The following COL21A1 variants were observed in gnomAD, a reference collection of about 807,000 sequenced individuals.
COL21A1 encodes collagen alpha-1(XXI) chain.
COL21A1 carries 149 observed loss-of-function variants against 137.9 expected under a neutral mutation model. That is an observed-to-expected ratio of 1.08 (90% CI 0.95 to 1.24). The LOEUF is 1.24. Among genes scored for constraint, COL21A1 ranks in the 50% most tolerant of loss-of-function variants. The probability of loss-of-function intolerance (pLI) is 0.00; values close to 1 mark genes in which losing one functional copy is unlikely to be tolerated. For synonymous variants in COL21A1, 456 were observed against 391.5 expected (o/e 1.16, Z -1.95); for missense variants, 1,167 against 1,158.4 (o/e 1.01, Z -0.11).
At chr6:56,184,596 C>T (rs1273973866) in intron 1 of COL21A1, among the ~76,000 whole-genome samples, 1 of 152,126 alleles carries the variant, frequency 6.6e-6, no homozygotes, top group Non-Finnish European at 1.5e-5. Flanking sequence ...TTACAAAACA[C>T]TCCAACTAAC....
At chr6:56,213,079 C>A (rs996441105) in intron 1 of COL21A1, among the ~76,000 whole-genome samples, 2 of 151,900 alleles carry the variant, frequency 1.3e-5, no homozygotes, top group African/African-American at 4.8e-5. Context: ...GAGGACTGAC[C>A]AGTCTGATAT....
rs562355195 is a variant in COL21A1 at position 56,142,120 on chromosome 6, G to T, written c.1435-137C>A. On this transcript the variant is annotated intron_variant, in intron 10 of 29. Transcript: ENST00000244728. ...TTAGAGACAAATCCAAAATAATAAA[G>T]TGTTAAATGCTTAATAAGGAATTCA... 224 of 625,848 alleles carry T rather than the reference G, an allele frequency of 3.6e-4. 1 individual carries two copies. Among genetic ancestry groups the T allele is most frequent in the African/African-American group, 3.4e-3 (186 of 54,374 alleles). 38.8% of individuals were successfully genotyped at this position (625,848 alleles called of 1,614,324 possible).
intron 1 of COL21A1, among the ~76,000 whole-genome samples, chr6:56,346,498 G>C (rs937499946): frequency 1.3e-5 from 2 of 152,076 alleles, no homozygotes; most frequent in African/African-American, 4.8e-5. Flanking sequence ...GAAATTATTT[G>C]GCTCTACCTT....
At chr6:56,346,751 G>A (rs561416599) in intron 1 of COL21A1, among the ~76,000 whole-genome samples, 2 of 152,254 alleles carry the variant, frequency 1.3e-5, no homozygotes, top group South Asian at 4.1e-4. Context: ...ACCTCCCAGT[G>A]AGAGCTGTAC....
Position 56,164,885 on chromosome 6 carries a change from T to A in COL21A1, c.1279-63A>T, listed in dbSNP as rs1776455124. ...AAATAAAATTTATAAATTATCAGCC[T>A]AATTTACAGATATTTCACCATCCAG... is the stretch of plus-strand genomic sequence containing the variant. On this transcript the variant is annotated intron_variant, in intron 7 of 29. Transcript: ENST00000244728. The A allele has an allele frequency of 7.3e-6, 9 of 1,227,568 alleles. No individual in the cohort carries two copies. The Admixed American group carries it at 2.1e-4, about 28-fold the overall frequency. The allele number at this position is 1,227,568 out of a possible 1,614,324, so 76.0% of individuals were successfully genotyped here. A position where few individuals can be genotyped will look rare whatever the true frequency, so the allele number is the denominator to read the frequency against.
chr6:56,099,183 A>ATAAC (rs1770196210), intron 17 of COL21A1, among the ~76,000 whole-genome samples: 1 of 151,408 alleles, frequency 6.6e-6, no homozygotes, highest in South Asian at 2.1e-4. Flanking sequence ...CAGATTCCAA[A>ATAAC]TAACTAACTC....
intron 1 of COL21A1, among the ~76,000 whole-genome samples, chr6:56,315,519 C>A (rs1398598779): frequency 6.6e-6 from 1 of 151,968 alleles, no homozygotes; most frequent in Non-Finnish European, 1.5e-5. Context: ...ACAGAAAGGC[C>A]CATCTTTAGA....
chr6:56,166,734 T>C (rs1561937793), intron 7 of COL21A1, 172 bp downstream of exon 7: 1 of 693,536 alleles, frequency 1.4e-6, no homozygotes, highest in East Asian at 2.7e-5. Context: ...CAATCTCATT[T>C]CAATTATAAC....
At chr6:56,191,353 G>C (rs2152290328) in intron 1 of COL21A1, among the ~76,000 whole-genome samples, 1 of 151,646 alleles carries the variant, frequency 6.6e-6, no homozygotes, top group East Asian at 1.9e-4. Flanking sequence ...TTGGGAGGCA[G>C]AGGTGGGCGG....
intron 1 of COL21A1, among the ~76,000 whole-genome samples, chr6:56,349,728 G>T (rs1004088208): frequency 1.3e-5 from 2 of 152,072 alleles, no homozygotes; most frequent in Non-Finnish European, 2.9e-5. Flanking sequence ...TTACATTATT[G>T]CTTATACTTG....
chr6:56,355,027 C>T (rs1387042457), intron 1 of COL21A1, among the ~76,000 whole-genome samples: 1 of 152,018 alleles, frequency 6.6e-6, no homozygotes, highest in Admixed American at 6.6e-5. Context: ...CAAATTAAAC[C>T]TCAGAGGGAC....
At chr6:56,116,172 T>C (rs1771900153) in intron 16 of COL21A1, among the ~76,000 whole-genome samples, 1 of 151,920 alleles carries the variant, frequency 6.6e-6, no homozygotes, top group South Asian at 2.1e-4. Context: ...ACTTGAAGGC[T>C]ATAGAACACC....
At chr6:56,224,136 G>A (rs774500225) in intron 1 of COL21A1, among the ~76,000 whole-genome samples, 13 of 152,206 alleles carry the variant, frequency 8.5e-5, no homozygotes, top group South Asian at 4.1e-4. Flanking sequence ...CACCCACTAT[G>A]CACATAGCAT....
chr6:56,106,026 G>A (rs969158703), intron 16 of COL21A1, among the ~76,000 whole-genome samples: 12 of 152,246 alleles, frequency 7.9e-5, no homozygotes, highest in East Asian at 1.9e-4. Flanking sequence ...GTATGGCTAC[G>A]GAGGAAAAAT....
chr6:56,144,667 G>A (rs770816270), intron 10 of COL21A1, among the ~76,000 whole-genome samples: 6 of 152,262 alleles, frequency 3.9e-5, no homozygotes, highest in East Asian at 1.9e-4. Context: ...TATAGAGGAC[G>A]CATTTCATTT....
upstream of COL21A1, among the ~76,000 whole-genome samples, chr6:56,247,916 G>A (rs1782738708): frequency 6.6e-6 from 1 of 152,228 alleles, no homozygotes; most frequent in African/African-American, 2.4e-5. Context: ...CTGATCGAAG[G>A]AGGCCTGCCT....
At chr6:56,092,661 T>TAA (rs576942329) in intron 17 of COL21A1, among the ~76,000 whole-genome samples, 202 of 152,296 alleles carry the variant, frequency 1.3e-3, no homozygotes, top group African/African-American at 4.0e-3. Flanking sequence ...GATCAACACA[T>TAA]ATGCTACCAA....
intron 10 of COL21A1, among the ~76,000 whole-genome samples, chr6:56,154,253 T>C (rs1484414328): frequency 1.3e-5 from 2 of 152,142 alleles, no homozygotes; most frequent in African/African-American, 4.8e-5. Context: ...GCCAAGACCT[T>C]GCCAAATACT....
chr6:56,137,157 T>TA (rs1447762984), intron 12 of COL21A1, among the ~76,000 whole-genome samples: 1 of 152,174 alleles, frequency 6.6e-6, no homozygotes, highest in Non-Finnish European at 1.5e-5. Flanking sequence ...CTCCAAAATG[T>TA]AAAATGAGGA....
Sources: gnomAD v4.1 joint callset for allele counts (sites outside exome capture counted in the v4.1 genomes callset) on GRCh38, gnomAD v4.1.1 for gene constraint, MANE v1.5 for transcripts, NCBI Gene and HGNC (gene_info 2026-07-23, HGNC 2026-07-21) for gene names.